CFAP96: variants seen among roughly 807,000 people sequenced by gnomAD.
The protein encoded by CFAP96 is cilia-and flagella-associated protein 96.
chr4:185,413,263 C>T, the CFAP96 span, among the ~76,000 whole-genome samples: 1 of 152,172 alleles, frequency 6.6e-6, no homozygotes, highest in Non-Finnish European at 1.5e-5. Context: ...TGGCAGGTGC[C>T]TGTAACCCCA....
the CFAP96 span, chr4:185,444,950 G>A: frequency 5.8e-6 from 9 of 1,541,314 alleles, 1 homozygote; most frequent in South Asian, 6.1e-5. Context: ...AAGTTGTCTC[G>A]TTTTTCTTCG....
chr4:185,415,357 G>A, the CFAP96 span: 2 of 1,559,496 alleles, frequency 1.3e-6, no homozygotes, highest in Non-Finnish European at 1.7e-6. Context: ...TCTGTGGGGG[G>A]AAATATATAA....
At chr4:185,444,330 T>G in the CFAP96 span, among the ~76,000 whole-genome samples, 1 of 152,212 alleles carries the variant, frequency 6.6e-6, no homozygotes, top group East Asian at 1.9e-4. Flanking sequence ...TTAAATGGGT[T>G]ATTATGATTC....
chr4:185,435,203 C>G, the CFAP96 span, among the ~76,000 whole-genome samples: 2 of 152,150 alleles, frequency 1.3e-5, no homozygotes, highest in African/African-American at 4.8e-5. Context: ...TATATAGGTT[C>G]ATAAAGAGGG....
At chr4:185,413,486 A>C in the CFAP96 span, among the ~76,000 whole-genome samples, 7,754 of 152,300 alleles carry the variant, frequency 0.051, 244 homozygotes, top group South Asian at 0.088. Flanking sequence ...AAATGGGACA[A>C]GCCTTTAAAG....
the CFAP96 span, among the ~76,000 whole-genome samples, chr4:185,423,813 T>C: frequency 9.9e-5 from 15 of 150,916 alleles, no homozygotes; most frequent in Admixed American, 2.6e-4. Flanking sequence ...CATACATATA[T>C]ACACACACAC....
chr4:185,440,692 T>C, the CFAP96 span: 3 of 1,479,686 alleles, frequency 2.0e-6, no homozygotes, highest in Non-Finnish European at 9.1e-7. Context: ...TTTCAAATAC[T>C]TTTAAACCGT....
At chr4:185,435,017 A>G in the CFAP96 span, among the ~76,000 whole-genome samples, 42 of 151,982 alleles carry the variant, frequency 2.8e-4, 1 homozygote, top group South Asian at 8.5e-3. Flanking sequence ...CTGGGATTAC[A>G]TACGTGAGCC....
chr4:185,441,877 C>T, the CFAP96 span, among the ~76,000 whole-genome samples: 2 of 151,888 alleles, frequency 1.3e-5, no homozygotes, highest in South Asian at 4.1e-4. Context: ...TGTCAAAACT[C>T]ATAGCATTGT....
At chr4:185,435,453 T>C in the CFAP96 span, among the ~76,000 whole-genome samples, 1 of 152,236 alleles carries the variant, frequency 6.6e-6, no homozygotes. Flanking sequence ...GTTACCCTTA[T>C]TGTGGAAGTT....
chr4:185,442,524 T>A, the CFAP96 span, among the ~76,000 whole-genome samples: 2 of 152,156 alleles, frequency 1.3e-5, no homozygotes, highest in South Asian at 4.1e-4. Flanking sequence ...AAACTTTGTG[T>A]CCTAATGGTT....
At chr4:185,425,916 C>T in the CFAP96 span, 8 of 1,576,034 alleles carry the variant, frequency 5.1e-6, no homozygotes, top group Non-Finnish European at 6.0e-6. Context: ...CCCAAAAGTT[C>T]CGGGGGCCGG....
the CFAP96 span, chr4:185,418,374 T>C: frequency 2.5e-6 from 3 of 1,206,560 alleles, no homozygotes; most frequent in East Asian, 2.4e-5. Context: ...ATTTCTAAGA[T>C]TGCACTCAGT....
At chr4:185,408,568 A>G in the CFAP96 span, 1 of 923,396 alleles carries the variant, frequency 1.1e-6, no homozygotes. Flanking sequence ...ATGCCTTCAC[A>G]GATCTATGGT....
chr4:185,426,879 CAAAAAAAAAAAAAAAAAAAAAAAAA>C, the CFAP96 span, among the ~76,000 whole-genome samples: 4 of 69,022 alleles, frequency 5.8e-5, no homozygotes, highest in African/African-American at 2.0e-4. Flanking sequence ...CTAAAAATAC[CAAAAAAAAAAAAAAAAAAAAAAAAA>C]AAAAAAAAAA....
At chr4:185,422,583 A>G in the CFAP96 span, 1 of 1,532,504 alleles carries the variant, frequency 6.5e-7, no homozygotes, top group Non-Finnish European at 8.9e-7. Context: ...ATAAAGATAA[A>G]GACAAACTCC....
At chr4:185,445,987 A>T in the CFAP96 span, among the ~76,000 whole-genome samples, 1 of 152,056 alleles carries the variant, frequency 6.6e-6, no homozygotes, top group Non-Finnish European at 1.5e-5. Flanking sequence ...GATTACAGGC[A>T]TGCAACACCA....
chr4:185,431,831 A>G, the CFAP96 span: 2 of 655,726 alleles, frequency 3.1e-6, no homozygotes, highest in African/African-American at 1.8e-5. Context: ...AGCCATTCAC[A>G]CAGAGCTTTC....
chr4:185,449,622 CTTCTT>C, the CFAP96 span: 1 of 1,543,836 alleles, frequency 6.5e-7, no homozygotes, highest in South Asian at 1.2e-5. Context: ...AACTACAAGA[CTTCTT>C]CAGTACCATC....
Sources: gnomAD v4.1 joint callset for allele counts (sites outside exome capture counted in the v4.1 genomes callset) on GRCh38, gnomAD v4.1.1 for gene constraint, MANE v1.5 for transcripts, NCBI Gene and HGNC (gene_info 2026-07-23, HGNC 2026-07-21) for gene names.